Variants in GAMT observed in about 807,000 individuals in gnomAD.
The protein encoded by GAMT is epididymis secretory protein Li 20.
GAMT carries 26 observed loss-of-function variants against 26.9 expected under a neutral mutation model. The observed-to-expected ratio is 0.97, with a 90% CI of 0.71 to 1.34. The LOEUF is 1.34. GAMT is among the 40% of genes most tolerant of loss of function. GAMT has a pLI of 0.00. For missense variants in GAMT, 412 were observed against 345.0 expected, an observed-to-expected ratio of 1.19 and a Z score of -1.54; for synonymous variants, 169 against 149.6, an observed-to-expected ratio of 1.13 and a Z score of -0.95.
In GAMT at chr19:1,401,299, T is replaced by TGGA. The variant is rs768895098; in HGVS notation, c.175_177dup (p.Ser59dup). On this transcript the variant is annotated inframe_insertion, in exon 1 of 6. Coordinates refer to ENST00000252288, the MANE Select transcript of GAMT (RefSeq NM_000156.6). Reference sequence around the variant, plus strand: ...GTGCAGGCCGGGCGGGGGCTACCTTTGGAGGAGGCGGCGGCGGCCAGCGCG... The same window carrying TGGA: ...GTGCAGGCCGGGCGGGGGCTACCTTTGGAGGAGGAGGCGGCGGCGGCCAGCGCG... The TGGA allele has an allele frequency of 1.5e-5, 22 of 1,505,920 alleles. No individual in the cohort carries two copies. The Admixed American group carries it at 4.2e-4, about 29-fold the overall frequency. 93.3% of individuals were successfully genotyped at this position (1,505,920 alleles called of 1,614,324 possible). A position where few individuals can be genotyped will look rare whatever the true frequency, so the allele number is the denominator to read the frequency against.
At chr19:1,401,160 CT>C (rs1166647831) in intron 1 of GAMT, 135 bp downstream of exon 1, 1 of 771,524 alleles carries the variant, frequency 1.3e-6, no homozygotes, top group Non-Finnish European at 1.8e-6. Flanking sequence ...GTGCCCCCAC[CT>C]GCAGCCCCAC....
chr19:1,399,232 G>T lies in GAMT; in HGVS notation c.392-37C>A. Reference sequence around the variant, plus strand: ...ACAGAAGCCCACGCGGTCAGGGCCGGGCTCAGCGCCTCACCCAGCCTCACC... The same window carrying T: ...ACAGAAGCCCACGCGGTCAGGGCCGTGCTCAGCGCCTCACCCAGCCTCACC... On this transcript the variant is annotated intron_variant, in intron 3 of 5. Coordinates refer to ENST00000252288, the MANE Select transcript of GAMT (RefSeq NM_000156.6). This position sits in a 1 kb window ranked among gnomAD's most constrained non-coding sequence, Gnocchi z 6.2. 1 of 1,608,496 alleles carries T rather than the reference G, an allele frequency of 6.2e-7. No individual in the cohort carries two copies. The highest frequency in any genetic ancestry group is 8.5e-7 in the Non-Finnish European group (1 of 1,175,846).
intron 5 of GAMT, 98 bp downstream of exon 5, chr19:1,398,818 G>T: frequency 6.4e-7 from 1 of 1,567,456 alleles, no homozygotes; most frequent in East Asian, 2.4e-5. Context: ...GGTCAGGAAG[G>T]GACCCTCCCC....
At chr19:1,400,485 C>T (rs115816053) in intron 1 of GAMT, among the ~76,000 whole-genome samples, 3 of 152,108 alleles carry the variant, frequency 2.0e-5, no homozygotes, top group Non-Finnish European at 1.5e-5. Flanking sequence ...CGAAGACGGC[C>T]GCTTTTGGGG....
At chr19:1,401,267 G>T in intron 1 of GAMT, 29 bp downstream of exon 1, 1 of 1,416,860 alleles carries the variant, frequency 7.1e-7, no homozygotes, top group East Asian at 2.9e-5. Flanking sequence ...CTGCGCCCCC[G>T]GGGGCGGTGC....
rs749284008 is a variant in GAMT at position 1,399,900 on chromosome 19, C to T, written c.220G>A (p.Ala74Thr). 1.3e-5 allele frequency: 21 copies of T among 1,608,586 alleles called. No homozygotes were observed. Among genetic ancestry groups the T allele is most frequent in the South Asian group, 1.2e-4 (11 of 90,078 alleles). The change falls in exon 2 of 6, where the codon GCA becomes ACA. Residue 74 changes from alanine to threonine, a missense_variant. Physicochemically the swap from Ala to Thr is moderately conservative, Grantham distance 58. Coordinates refer to ENST00000252288, the MANE Select transcript of GAMT (RefSeq NM_000156.6). This position sits in a 1 kb window ranked among gnomAD's most constrained non-coding sequence, Gnocchi z 6.2. The stretch of plus-strand genomic sequence containing the variant: ...GGCGCCTCCTGCACCTTTGACGCTG[C>T]GATGGCCATGCCAAAGCCCACCTCC... ...VLEVGFGMAI[A>T]ASKVQEAPID...
rs772974568 is a variant in GAMT at position 1,399,179 on chromosome 19, C to G, written c.408G>C (p.Thr136=). 6.2e-7 allele frequency: 1 copy of G among 1,613,544 alleles called. No individual in the cohort carries two copies. Among genetic ancestry groups the G allele is most frequent in the Non-Finnish European group, 8.5e-7 (1 of 1,180,020 alleles). The change falls in exon 4 of 6, where the codon ACG becomes ACC. Residue 136 remains threonine (T), a synonymous_variant. Transcript: ENST00000252288. The surrounding 1 kb of genome is among the most constrained non-coding windows in gnomAD (Gnocchi z 6.2). ...GCCAGGTCTCCTCCGAGAGTGGGTA[C>G]GTGTCGTACAGGATCCCTGCACGGA... The part of the protein sequence containing the change: ...DGHFDGILYD[T]YPLSEETWHT...
intron 1 of GAMT, 111 bp from the exon 2 acceptor site, chr19:1,400,049 C>CACAGGGTAGG (rs2082624983): frequency 8.2e-7 from 1 of 1,212,862 alleles, no homozygotes; most frequent in South Asian, 1.4e-5. Context: ...GAGGAGGGGG[C>CACAGGGTAGG]GCAGGGCTGG....
At position 1,397,506 on chromosome 19, in the gene GAMT, G is replaced by A. The variant is rs767793408; in HGVS notation, c.571-7C>T. 7 of 1,601,820 alleles carry A rather than the reference G, an allele frequency of 4.4e-6. No individual in the cohort carries two copies. The highest frequency in any genetic ancestry group is 3.3e-5 in the Admixed American group (2 of 60,006). On this transcript the variant is annotated splice_region_variant and splice_polypyrimidine_tract_variant and intron_variant, in intron 5 of 5. Coordinates refer to ENST00000252288, the MANE Select transcript of GAMT (RefSeq NM_000156.6). The stretch of plus-strand genomic sequence containing the variant: ...GCGCGGGCACCTGCGTCTCCTGGTC[G>A]GGGATGGCACCAGGTCACCTCTGAG...
chr19:1,397,342 C>T lies in GAMT; in HGVS notation c.*17G>A, dbSNP rs750579816. 5.1e-5 allele frequency: 82 copies of T among 1,602,684 alleles called. 1 individual carries two copies. Among genetic ancestry groups the T allele is most frequent in the Non-Finnish European group, 6.3e-5 (74 of 1,176,346 alleles). On this transcript the variant is annotated 3_prime_UTR_variant, in exon 6 of 6. Transcript: ENST00000252288. ...GCACGGAGGAGGGCATGGGTGTGGC[C>T]GGGCCGGGGTGGGGGCTCAGCCTTT...
Position 1,401,164 on chromosome 19 carries a change from A to G in GAMT, c.181+132T>C, listed in dbSNP as rs1398797365. The G allele has an allele frequency of 7.6e-6, 6 of 787,366 alleles. No individual in the cohort carries two copies. In the African/African-American group the frequency reaches 1.1e-4, roughly 14 times the overall value. 48.8% of individuals were successfully genotyped at this position (787,366 alleles called of 1,614,324 possible). On this transcript the variant is annotated intron_variant, in intron 1 of 5. Coordinates refer to ENST00000252288, the MANE Select transcript of GAMT (RefSeq NM_000156.6). ...AACGCCTCCGTGTGCCCCCACCTGC[A>G]GCCCCACTTCCCAGGCGAGGAGACA...
Position 1,397,348 on chromosome 19 carries a change from G to A in GAMT, c.*11C>T, listed in dbSNP as rs149268921. The A allele has an allele frequency of 3.1e-3, 5,021 of 1,607,752 alleles. 139 individuals carry two copies. In the African/African-American group the frequency reaches 0.057, roughly 18 times the overall value. On this transcript the variant is annotated 3_prime_UTR_variant, in exon 6 of 6. Coordinates refer to ENST00000252288, the MANE Select transcript of GAMT (RefSeq NM_000156.6). Reference sequence around the variant, plus strand: ...AGGAGGGCATGGGTGTGGCCGGGCCGGGGTGGGGGCTCAGCCTTTGGTCAC... The same window carrying A: ...AGGAGGGCATGGGTGTGGCCGGGCCAGGGTGGGGGCTCAGCCTTTGGTCAC...
In GAMT at chr19:1,398,753, C is replaced by T. The variant is rs950206746; in HGVS notation, c.570+163G>A. On this transcript the variant is annotated intron_variant, in intron 5 of 5. Transcript: ENST00000252288. The stretch of plus-strand genomic sequence containing the variant: ...GCCACTGCTCCTGGCAGCCACTGCG[C>T]CAGGCAAAGGACTTTGATTTCTAAA... 4.5e-6 allele frequency: 7 copies of T among 1,547,938 alleles called. No homozygotes were observed. The African/African-American group carries it at 8.2e-5, about 18-fold the overall frequency.
rs1339602048 is a variant in GAMT, at chr19:1,399,813, C to T, written c.307G>A (p.Ala103Thr). Residue 103 changes from alanine to threonine, a missense_variant, in exon 2 of 6, where the codon GCC (alanine) becomes ACC (threonine). Ala to Thr is a moderately conservative substitution (Grantham distance 58). Transcript: ENST00000252288. This position sits in a 1 kb window ranked among gnomAD's most constrained non-coding sequence, Gnocchi z 6.2. ...GGCACCTTGTGTGTCTGCCGTGGGG[C>T]CCAGTCCCGGAGCCGCTGGAAGACG... ...DGVFQRLRDW[A>T]PRQTHKVIPL... 6.4e-6 allele frequency: 10 copies of T among 1,574,590 alleles called. No individual in the cohort carries two copies. Among genetic ancestry groups the T allele is most frequent in the African/African-American group, 1.3e-5 (1 of 74,166 alleles).
In GAMT at chr19:1,399,658, G is replaced by A. The variant is rs1276035940; in HGVS notation, c.328-71C>T. Reference sequence around the variant, plus strand: ...CCAGGATCTCCCCACCTGCAGAAAGGGAGCGGCCAGGGGGACTCCCGAGAG... The same window carrying A: ...CCAGGATCTCCCCACCTGCAGAAAGAGAGCGGCCAGGGGGACTCCCGAGAG... On this transcript the variant is annotated intron_variant, in intron 2 of 5. Coordinates refer to ENST00000252288, the MANE Select transcript of GAMT (RefSeq NM_000156.6). This position sits in a 1 kb window ranked among gnomAD's most constrained non-coding sequence, Gnocchi z 6.2. 3 of 1,545,710 alleles carry A rather than the reference G, an allele frequency of 1.9e-6. No homozygotes were observed. The highest frequency in any genetic ancestry group is 2.7e-5 in the African/African-American group (2 of 73,382).
At chr19:1,397,627 A>G (rs2082608448) in intron 5 of GAMT, 128 bp from the exon 6 acceptor site, 2 of 1,466,076 alleles carry the variant, frequency 1.4e-6, no homozygotes, top group Non-Finnish European at 9.3e-7. Flanking sequence ...TCCCGTGGGC[A>G]CGTGGCAGGG....
chr19:1,398,764 A>G (rs750994286), intron 5 of GAMT, 152 bp downstream of exon 5: 1 of 1,549,668 alleles, frequency 6.5e-7, no homozygotes, highest in Non-Finnish European at 8.7e-7. Flanking sequence ...CAGGCAAAGG[A>G]CTTTGATTTC....
intron 1 of GAMT, among the ~76,000 whole-genome samples, 190 bp from the exon 2 acceptor site, chr19:1,400,128 G>A (rs2082625606): frequency 6.8e-6 from 1 of 147,986 alleles, no homozygotes; most frequent in South Asian, 2.2e-4. Flanking sequence ...AGGGGGTGTG[G>A]GGCAATGCTG....
Position 1,397,600 on chromosome 19 carries a change from G to C in GAMT, c.571-101C>G. 7.8e-6 allele frequency: 12 copies of C among 1,542,234 alleles called. 2 individuals are homozygous for C. In the South Asian group the frequency reaches 1.4e-4, roughly 18 times the overall value. ...AGAGTGTTTACAGATGGCAAGGCCC[G>C]GGTGGGCGGCTGCAGCTCCCGTGGG... On this transcript the variant is annotated intron_variant, in intron 5 of 5. Transcript: ENST00000252288.
Sources: gnomAD v4.1 joint callset for allele counts (sites outside exome capture counted in the v4.1 genomes callset) on GRCh38, gnomAD v4.1.1 for gene constraint, Gnocchi (gnomAD v3.1) non-coding constraint, MANE v1.5 for transcripts, NCBI Gene and HGNC (gene_info 2026-07-23, HGNC 2026-07-21) for gene names.